Variants in PHF24 observed in about 807,000 individuals in gnomAD.
The protein encoded by PHF24 is Galpha inhibitory interacting protein.
Under a neutral mutation model 42.6 loss-of-function variants are expected in PHF24, and 25 were observed. The observed-to-expected ratio is 0.59, with a 90% CI of 0.43 to 0.82. The LOEUF is 0.82. Ranked by LOEUF, PHF24 falls within the 40% of genes least tolerant of loss-of-function variation. The pLI, the probability that PHF24 is intolerant of heterozygous loss-of-function variation, is 0.00. For synonymous variants in PHF24, 185 were observed against 204.8 expected, an observed-to-expected ratio of 0.90 and a Z score of 0.83; for missense variants, 470 against 538.1, an observed-to-expected ratio of 0.87 and a Z score of 1.25.
the PHF24 span, among the ~76,000 whole-genome samples, chr9:34,898,418 C>T: frequency 2.0e-5 from 3 of 151,990 alleles, no homozygotes; most frequent in African/African-American, 4.8e-5. Context: ...CATCAGTGAA[C>T]GTTTTTCTTA....
At chr9:34,975,425 G>A (rs565378770) in intron 3 of PHF24, among the ~76,000 whole-genome samples, 4 of 152,330 alleles carry the variant, frequency 2.6e-5, no homozygotes, top group African/African-American at 7.2e-5. Flanking sequence ...TGAAATCCAC[G>A]TATGAATACT....
the PHF24 span, among the ~76,000 whole-genome samples, chr9:34,849,298 C>T: frequency 1.3e-5 from 2 of 151,800 alleles, no homozygotes; most frequent in Non-Finnish European, 1.5e-5. Context: ...TATTGGGTGC[C>T]TATATATTTA....
chr9:34,971,768 C>T (rs749772215), intron 2 of PHF24, 92 bp downstream of exon 2: 32 of 1,409,876 alleles, frequency 2.3e-5, no homozygotes, highest in East Asian at 2.1e-4. Flanking sequence ...TCCTCAAAAC[C>T]GGAAAAATGG....
At chr9:34,761,435 A>C in the PHF24 span, among the ~76,000 whole-genome samples, 1 of 152,186 alleles carries the variant, frequency 6.6e-6, no homozygotes, top group South Asian at 2.1e-4. Flanking sequence ...TATAGAGCTT[A>C]CATTAAAGAA....
At chr9:34,941,657 G>T in the PHF24 span, among the ~76,000 whole-genome samples, 20 of 152,178 alleles carry the variant, frequency 1.3e-4, no homozygotes, top group African/African-American at 2.2e-4. Flanking sequence ...CAAGGCACTG[G>T]CAGATTCAGT....
the PHF24 span, chr9:34,835,543 G>C: frequency 6.4e-7 from 1 of 1,551,692 alleles, no homozygotes; most frequent in Non-Finnish European, 8.7e-7. Flanking sequence ...GGAAATTCAA[G>C]TGATGCTGGC....
chr9:34,723,646 G>GA, the PHF24 span: 1 of 1,551,646 alleles, frequency 6.4e-7, no homozygotes, highest in Non-Finnish European at 8.7e-7. Flanking sequence ...TTTGAGCATG[G>GA]ACTGGCATCA....
chr9:34,734,874 A>G, the PHF24 span, among the ~76,000 whole-genome samples: 1 of 152,228 alleles, frequency 6.6e-6, no homozygotes, highest in Non-Finnish European at 1.5e-5. Flanking sequence ...CATCAAGAGC[A>G]TGGAGGATGA....
the PHF24 span, among the ~76,000 whole-genome samples, chr9:34,688,631 T>TC: frequency 6.6e-6 from 1 of 152,170 alleles, no homozygotes; most frequent in Non-Finnish European, 1.5e-5. Context: ...CCCAGGTCTG[T>TC]CTGTCGGTGT....
At chr9:34,933,565 A>C in the PHF24 span, among the ~76,000 whole-genome samples, 1 of 151,782 alleles carries the variant, frequency 6.6e-6, no homozygotes, top group African/African-American at 2.4e-5. Flanking sequence ...TCTACTAAAA[A>C]TACAAAAAAA....
the PHF24 span, among the ~76,000 whole-genome samples, chr9:34,916,713 C>T: frequency 8.5e-5 from 13 of 152,256 alleles, no homozygotes; most frequent in African/African-American, 3.1e-4. Flanking sequence ...AAGGTAAGTG[C>T]TATTCATATT....
the PHF24 span, among the ~76,000 whole-genome samples, chr9:34,676,475 AT>A: frequency 6.6e-6 from 1 of 152,160 alleles, no homozygotes; most frequent in Admixed American, 6.5e-5. Flanking sequence ...GTGAGCCATG[AT>A]TATGCCACTG....
At chr9:34,807,799 C>T in the PHF24 span, among the ~76,000 whole-genome samples, 4 of 151,990 alleles carry the variant, frequency 2.6e-5, no homozygotes, top group Admixed American at 1.3e-4. Context: ...TAACCAGAAG[C>T]GGTGCATCTG....
At chr9:34,846,235 A>C in the PHF24 span, among the ~76,000 whole-genome samples, 38 of 152,262 alleles carry the variant, frequency 2.5e-4, no homozygotes, top group African/African-American at 7.7e-4. Context: ...AAGTGTTCCT[A>C]TTTCTCCACA....
chr9:34,913,380 C>G, the PHF24 span, among the ~76,000 whole-genome samples: 1 of 152,122 alleles, frequency 6.6e-6, no homozygotes, highest in Non-Finnish European at 1.5e-5. Context: ...AAACCATGCC[C>G]TAACATAGGA....
At chr9:34,912,091 T>G in the PHF24 span, among the ~76,000 whole-genome samples, 7 of 152,148 alleles carry the variant, frequency 4.6e-5, no homozygotes, top group Admixed American at 3.9e-4. Context: ...TTTCATCCTT[T>G]CCAAACCATG....
At chr9:34,892,923 T>G in the PHF24 span, 1 of 687,184 alleles carries the variant, frequency 1.5e-6, no homozygotes, top group Non-Finnish European at 2.7e-6. Context: ...GAAAGCTCTT[T>G]GGATTTCGGG....
chr9:34,847,175 A>C, the PHF24 span, among the ~76,000 whole-genome samples: 1 of 152,174 alleles, frequency 6.6e-6, no homozygotes, highest in Non-Finnish European at 1.5e-5. Flanking sequence ...CATTGAATCT[A>C]TGAATTACCT....
the PHF24 span, among the ~76,000 whole-genome samples, chr9:34,722,373 TATC>T: frequency 2.6e-5 from 4 of 152,308 alleles, no homozygotes; most frequent in African/African-American, 7.2e-5. Flanking sequence ...AAGTGAGAAA[TATC>T]ATGAATACAG....
Sources: allele counts gnomAD v4.1 joint callset (sites outside exome capture counted in the v4.1 genomes callset), GRCh38; gene constraint gnomAD v4.1.1; transcripts MANE v1.5; gene names NCBI Gene and HGNC (gene_info 2026-07-23, HGNC 2026-07-21).